Variants in LRRC32 observed in about 807,000 individuals in gnomAD.
LRRC32 encodes the protein transforming growth factor beta activator LRRC32.
A neutral mutation model predicts 15.0 loss-of-function variants in LRRC32; 5 were observed. The ratio of observed to expected loss-of-function variants is 0.33; its 90% confidence interval spans 0.17 to 0.70. The LOEUF is 0.70. LRRC32 is among the 30% of genes least tolerant of loss of function. The probability of loss-of-function intolerance (pLI) is 0.66; values close to 1 mark genes in which losing one functional copy is unlikely to be tolerated. For missense variants in LRRC32, 803 were observed against 854.2 expected (o/e 0.94, Z 0.75); for synonymous variants, 391 against 403.9 (o/e 0.97, Z 0.38).
chr11:76,668,205 C>G (rs1952655947), intron 1 of LRRC32, among the ~76,000 whole-genome samples: 1 of 152,168 alleles, frequency 6.6e-6, no homozygotes, highest in Admixed American at 6.5e-5. Flanking sequence ...CTTCACCTCT[C>G]TGCAACGTTC....
In LRRC32 at chr11:76,660,535, G is replaced by T. The variant is rs957049691; in HGVS notation, c.1058C>A (p.Thr353Asn). The T allele has an allele frequency of 6.2e-7, 1 of 1,614,166 alleles. No homozygotes were observed. Among genetic ancestry groups the T allele is most frequent in the Non-Finnish European group, 8.5e-7 (1 of 1,180,018 alleles). The change falls in exon 3 of 3, where the codon ACC becomes AAC. Residue 353 changes from threonine (T) to asparagine (N), a missense_variant. Transcript: ENST00000260061. ...FLNLSRNCLR[T>N]FEARRLGSLP... ...GGAGCCTAAGCGCCGGGCCTCAAAG[G>T]TCCGCAAGCAGTTTCTGCTGAGGTT...
Position 76,659,819 on chromosome 11 carries a change from C to T in LRRC32, c.1774G>A (p.Val592Met), listed in dbSNP as rs754675008. 8.2e-5 allele frequency: 132 copies of T among 1,614,074 alleles called. No homozygotes were observed. Among genetic ancestry groups the T allele is most frequent in the Admixed American group, 4.5e-4 (27 of 60,014 alleles). The stretch of plus-strand genomic sequence containing the variant: ...CAGATCAGGTCCTGGGTGGCGTCCA[C>T]GTCCACACGGCCCTGGTGCAGCTGG... Reference protein sequence around the residue: ...AAQLHQGRVDVDATQDLICRF... With the variant: ...AAQLHQGRVDMDATQDLICRF... Residue 592 changes from valine (V) to methionine (M), a missense_variant, in exon 3 of 3, where the codon GTG becomes ATG. Val to Met is a conservative substitution (Grantham distance 21). Coordinates refer to ENST00000260061, the MANE Select transcript of LRRC32 (RefSeq NM_001128922.2).
rs1200671618 is a variant in LRRC32, at chr11:76,658,966, A to G, written c.*638T>C. 1.3e-5 allele frequency: 2 copies of G among 153,524 alleles called. No individual in the cohort carries two copies. The highest frequency in any genetic ancestry group is 3.8e-4 in the East Asian group (2 of 5,314). 9.5% of individuals were successfully genotyped at this position (153,524 alleles called of 1,614,324 possible). A position where few individuals can be genotyped will look rare whatever the true frequency, so the allele number is the denominator to read the frequency against. ...GCCGTGGCCCACCTAACAACACCAG[A>G]TCCGAGACACACTCGTACAGCTCCA... On this transcript the variant is annotated 3_prime_UTR_variant, in exon 3 of 3. Transcript: ENST00000260061.
At chr11:76,665,702 T>C (rs1952614075) in intron 2 of LRRC32, 169 bp downstream of exon 2, 1 of 442,824 alleles carries the variant, frequency 2.3e-6, no homozygotes, top group African/African-American at 2.1e-5. Context: ...GGCAGGACTG[T>C]GGGTAAATAA....
rs531172058 is a variant in LRRC32 at position 76,661,553 on chromosome 11, G to A, written c.85-45C>T. On this transcript the variant is annotated intron_variant, in intron 2 of 2. Transcript: ENST00000260061. The stretch of plus-strand genomic sequence containing the variant: ...GGAGACAGCTGGCATAAGTGGGCAC[G>A]GTAGGGGATGAAACCAGACATGTTT... 40 of 1,517,140 alleles carry A rather than the reference G, an allele frequency of 2.6e-5. 1 individual carries two copies. Among genetic ancestry groups the A allele is most frequent in the African/African-American group, 9.6e-5 (7 of 72,660 alleles). 94.0% of individuals were successfully genotyped at this position (1,517,140 alleles called of 1,614,324 possible).
At chr11:76,661,585 G>A (rs989429743) in intron 2 of LRRC32, 77 bp from the exon 3 acceptor site, 4 of 1,467,400 alleles carry the variant, frequency 2.7e-6, no homozygotes, top group East Asian at 2.5e-5. Context: ...GTTTATCCAG[G>A]AACCCTGCCT....
intron 1 of LRRC32, among the ~76,000 whole-genome samples, chr11:76,667,618 G>A (rs1952646161): frequency 6.6e-6 from 1 of 152,226 alleles, no homozygotes; most frequent in South Asian, 2.1e-4. Flanking sequence ...TGCATTACAG[G>A]TTGTGCTTTC....
Position 76,660,253 on chromosome 11 carries a change from C to T in LRRC32, c.1340G>A (p.Ser447Asn), listed in dbSNP as rs1952492070. Residue 447 changes from serine (S) to asparagine (N), a missense_variant, in exon 3 of 3, where the codon AGC becomes AAC. By Grantham distance (46) the Ser-to-Asn change is conservative. Coordinates refer to ENST00000260061, the MANE Select transcript of LRRC32 (RefSeq NM_001128922.2). ...VAFSGITSLRSLSLVDNEIEL... is the reference protein window; with the variant it reads ...VAFSGITSLRNLSLVDNEIEL... ...TATCTCATTATCCACCAGGCTCAGGCTGCGGAGGGAGGTGATGCCGGAGAA... is the reference window on the plus strand; with the variant it reads ...TATCTCATTATCCACCAGGCTCAGGTTGCGGAGGGAGGTGATGCCGGAGAA... 6.3e-7 allele frequency: 1 copy of T among 1,575,310 alleles called. No homozygotes were observed. The highest frequency in any genetic ancestry group is 1.4e-5 in the African/African-American group (1 of 73,492).
rs201696772 is a variant in LRRC32 at position 76,660,053 on chromosome 11, T to C, written c.1540A>G (p.Ile514Val). ...MVLQVDLPCFICLKRLNLAEN... is the reference protein window; with the variant it reads ...MVLQVDLPCFVCLKRLNLAEN... ...GCAAGATTGAGCCGCTTGAGGCAGA[T>C]GAAGCAGGGCAGGTCCACCTGCAGG... Residue 514 changes from isoleucine to valine, a missense_variant, in exon 3 of 3, where the codon ATC becomes GTC. By Grantham distance (29) the Ile-to-Val change is conservative. Transcript: ENST00000260061. The C allele has an allele frequency of 6.2e-7, 1 of 1,614,090 alleles. No homozygotes were observed. The highest frequency in any genetic ancestry group is 8.5e-7 in the Non-Finnish European group (1 of 1,180,022).
chr11:76,659,111 C>T lies in LRRC32; in HGVS notation c.*493G>A, dbSNP rs55670116. 12,760 of 158,216 alleles carry T rather than the reference C, an allele frequency of 0.081. 1,118 individuals are homozygous for T. Among genetic ancestry groups the T allele is most frequent in the African/African-American group, 0.22 (9,017 of 41,574 alleles). 9.8% of individuals were successfully genotyped at this position (158,216 alleles called of 1,614,324 possible). On this transcript the variant is annotated 3_prime_UTR_variant, in exon 3 of 3. Transcript: ENST00000260061. ...CAAATCCTCCTGGGCTTGGCCCTCC[C>T]TCACCCTGGCACAGCCGGGGCAGGA...
At chr11:76,665,198 A>G (rs1323016897) in intron 2 of LRRC32, among the ~76,000 whole-genome samples, 3 of 152,220 alleles carry the variant, frequency 2.0e-5, no homozygotes, top group Non-Finnish European at 2.9e-5. Flanking sequence ...TCCTTGCCCT[A>G]GGGAAGTTCA....
At chr11:76,670,348 G>A (rs1326653463) in intron 1 of LRRC32, among the ~76,000 whole-genome samples, 1 of 152,178 alleles carries the variant, frequency 6.6e-6, no homozygotes, top group East Asian at 1.9e-4. Flanking sequence ...GGCAAGTCAC[G>A]GTCTTCAGGC....
In LRRC32 at chr11:76,659,478, G is replaced by C; in HGVS notation, c.*126C>G. 1 of 1,019,948 alleles carries C rather than the reference G, an allele frequency of 9.8e-7. No homozygotes were observed. The highest frequency in any genetic ancestry group is 2.7e-5 in the Admixed American group (1 of 36,538). The allele number at this position is 1,019,948 out of a possible 1,614,324, so 63.2% of individuals were successfully genotyped here. ...CTGATGCAGCAGGCGGCAGAGAAAG[G>C]TGTCCTGGGCTGTAATTTGGAGACC... On this transcript the variant is annotated 3_prime_UTR_variant, in exon 3 of 3. Transcript: ENST00000260061.
rs906439211 is a variant in LRRC32 at position 76,670,637 on chromosome 11, C to T, written c.-28G>A. On this transcript the variant is annotated 5_prime_UTR_variant, in exon 1 of 3. Coordinates refer to ENST00000260061, the MANE Select transcript of LRRC32 (RefSeq NM_001128922.2). ...ACCTGGCTCAGCGCGGCCGCAGCTC[C>T]TCTCCCGGGCAGTCTCGGCACATTT... 1.3e-5 allele frequency: 2 copies of T among 151,828 alleles called. No homozygotes were observed. Among genetic ancestry groups the T allele is most frequent in the African/African-American group, 4.8e-5 (2 of 41,460 alleles). 9.4% of individuals were successfully genotyped at this position (151,828 alleles called of 1,614,324 possible). A position where few individuals can be genotyped will look rare whatever the true frequency, so the allele number is the denominator to read the frequency against.
Position 76,661,179 on chromosome 11 carries a change from G to A in LRRC32, c.414C>T (p.Ser138=), listed in dbSNP as rs766532420. ...CCCCCAGCAGCCGCTCCAGCAGGCCGCTGTACAGGCTGTTCCCAGACAGGT... is the reference window on the plus strand; with the variant it reads ...CCCCCAGCAGCCGCTCCAGCAGGCCACTGTACAGGCTGTTCCCAGACAGGT... The part of the protein sequence containing the change: ...SLDLSGNSLY[S]GLLERLLGEA... Residue 138 remains serine, a synonymous_variant, in exon 3 of 3, where the codon AGC becomes AGT. Coordinates refer to ENST00000260061, the MANE Select transcript of LRRC32 (RefSeq NM_001128922.2). 48 of 1,613,640 alleles carry A rather than the reference G, an allele frequency of 3.0e-5. No homozygotes were observed. The East Asian group carries it at 3.3e-4, about 11-fold the overall frequency.
chr11:76,664,347 C>G (rs1016030761), intron 2 of LRRC32, among the ~76,000 whole-genome samples: 1 of 152,250 alleles, frequency 6.6e-6, no homozygotes, highest in Admixed American at 6.5e-5. Flanking sequence ...AGCTCCACTT[C>G]CAGGGTCTTC....
intron 1 of LRRC32, among the ~76,000 whole-genome samples, chr11:76,668,888 C>T (rs1426431585): frequency 5.9e-5 from 9 of 152,200 alleles, no homozygotes; most frequent in Admixed American, 5.9e-4. Context: ...GGCACTCTGT[C>T]CTGGCATCTG....
chr11:76,663,962 T>A (rs1480841352), intron 2 of LRRC32: 2 of 152,166 alleles, frequency 1.3e-5, no homozygotes, highest in East Asian at 3.9e-4. Context: ...ATTTGCAAAT[T>A]CCTTTTCCTA....
At chr11:76,665,638 T>G (rs1383992429) in intron 2 of LRRC32, among the ~76,000 whole-genome samples, 2 of 152,182 alleles carry the variant, frequency 1.3e-5, no homozygotes, top group Non-Finnish European at 2.9e-5. Context: ...CAAGGCCCAA[T>G]CTCTCCAAGC....
Sources: gnomAD v4.1 joint callset for allele counts (sites outside exome capture counted in the v4.1 genomes callset) on GRCh38, gnomAD v4.1.1 for gene constraint, MANE v1.5 for transcripts, NCBI Gene and HGNC (gene_info 2026-07-23, HGNC 2026-07-21) for gene names.